The following SCFD2 variants were observed in gnomAD, a reference collection of about 807,000 sequenced individuals.
The protein encoded by SCFD2 is sec1 family domain-containing protein 2.
A neutral mutation model predicts 58.9 loss-of-function variants in SCFD2; 54 were observed. That is an observed-to-expected ratio of 0.92 (90% CI 0.74 to 1.15). SCFD2 has a LOEUF of 1.15. Ranked by LOEUF, SCFD2 falls within the 50% of genes most tolerant of loss-of-function variation. The probability of loss-of-function intolerance (pLI) is 0.00; values close to 1 mark genes in which losing one functional copy is unlikely to be tolerated. For synonymous variants in SCFD2, 321 were observed against 335.9 expected (o/e 0.96, Z 0.49); for missense variants, 805 against 836.6 (o/e 0.96, Z 0.47).
chr4:53,111,709 G>C (rs557886211), intron 5 of SCFD2, among the ~76,000 whole-genome samples: 1 of 152,106 alleles, frequency 6.6e-6, no homozygotes, highest in South Asian at 2.1e-4. Flanking sequence ...TTTCATATTT[G>C]AATATATAGA....
intron 4 of SCFD2, among the ~76,000 whole-genome samples, chr4:53,176,119 G>T (rs1268541771): frequency 6.6e-6 from 1 of 152,106 alleles, no homozygotes; most frequent in Admixed American, 6.5e-5. Flanking sequence ...GATAATAATG[G>T]AATGTACCAT....
intron 5 of SCFD2, among the ~76,000 whole-genome samples, chr4:53,036,395 T>C (rs1310518851): frequency 6.6e-6 from 1 of 150,842 alleles, no homozygotes; most frequent in African/African-American, 2.4e-5. Flanking sequence ...AATGTACATG[T>C]ATATTTATTG....
At chr4:53,123,631 C>A (rs757217741) in intron 5 of SCFD2, among the ~76,000 whole-genome samples, 1 of 152,100 alleles carries the variant, frequency 6.6e-6, no homozygotes, top group South Asian at 2.1e-4. Flanking sequence ...AAACCCAAAA[C>A]CTCAACTGAT....
chr4:52,939,971 C>G (rs997166363), intron 5 of SCFD2, among the ~76,000 whole-genome samples: 3 of 152,218 alleles, frequency 2.0e-5, no homozygotes, highest in African/African-American at 7.2e-5. Context: ...TAACAGCAGT[C>G]CCCAGCCCAG....
chr4:53,320,636 A>T (rs1732996830), intron 2 of SCFD2, among the ~76,000 whole-genome samples: 1 of 152,204 alleles, frequency 6.6e-6, no homozygotes, highest in African/African-American at 2.4e-5. Flanking sequence ...AATAAAAAAT[A>T]AAAATAAGGT....
intron 4 of SCFD2, among the ~76,000 whole-genome samples, chr4:53,251,227 T>C (rs1389810208): frequency 1.3e-5 from 2 of 152,138 alleles, no homozygotes. Flanking sequence ...GATCTGAAAT[T>C]GTGGCAATAA....
intron 6 of SCFD2, among the ~76,000 whole-genome samples, chr4:52,914,830 G>C (rs1329560986): frequency 6.6e-6 from 1 of 151,818 alleles, no homozygotes; most frequent in Non-Finnish European, 1.5e-5. Context: ...GCCCATGAAG[G>C]TCATATCGTG....
chr4:52,890,922 T>A (rs1482044048), intron 7 of SCFD2, among the ~76,000 whole-genome samples: 2 of 152,166 alleles, frequency 1.3e-5, no homozygotes, highest in African/African-American at 4.8e-5. Context: ...TGATTCCTCC[T>A]CCACATGGTG....
intron 5 of SCFD2, among the ~76,000 whole-genome samples, chr4:52,924,044 T>C (rs1719806024): frequency 6.6e-6 from 1 of 152,204 alleles, no homozygotes; most frequent in African/African-American, 2.4e-5. Flanking sequence ...AGTTCTAATA[T>C]CATGCAAAGT....
At chr4:53,311,258 C>T (rs1372951472) in intron 3 of SCFD2, among the ~76,000 whole-genome samples, 7 of 152,148 alleles carry the variant, frequency 4.6e-5, no homozygotes, top group African/African-American at 1.7e-4. Context: ...GTCCTTCTTA[C>T]AACAGAAGTT....
At chr4:53,169,716 G>A (rs976939653) in intron 4 of SCFD2, among the ~76,000 whole-genome samples, 1 of 152,010 alleles carries the variant, frequency 6.6e-6, no homozygotes, top group African/African-American at 2.4e-5. Flanking sequence ...TTTTTTTGTT[G>A]TTTTAATAAT....
Position 52,920,762 on chromosome 4 carries a change from A to G in SCFD2, c.1670T>C (p.Phe557Ser). The change falls in exon 6 of 9, where the codon TTT becomes TCT. Residue 557 changes from phenylalanine (F) to serine (S), a missense_variant. This residue lies in a region of SCFD2 where 633 missense variants were observed against 646.8 expected (regional missense o/e 0.98). Transcript: ENST00000401642. ...IAGARSLLKQ[F>S]KSVYVPGNHT... Reference sequence around the variant, plus strand: ...ATTTCCAGGAACATATACAGACTTAAACTGTTTCAGGAGACTCCGAGCTCC... The same window carrying G: ...ATTTCCAGGAACATATACAGACTTAGACTGTTTCAGGAGACTCCGAGCTCC... 6.2e-7 allele frequency: 1 copy of G among 1,610,778 alleles called. No homozygotes were observed. The highest frequency in any genetic ancestry group is 1.1e-5 in the South Asian group (1 of 90,818).
At chr4:53,190,844 T>C (rs1174232128) in intron 4 of SCFD2, among the ~76,000 whole-genome samples, 3 of 147,032 alleles carry the variant, frequency 2.0e-5, no homozygotes, top group Admixed American at 1.3e-4. Context: ...CAGAAGGTTA[T>C]GTCTGTGAAC....
In SCFD2 at chr4:53,065,440, A is replaced by C. The variant is rs369605912; in HGVS notation, c.1561+79893T>G. ...ATAAGTCAGATGTCAGATTAGGAGA[A>C]AGCAAGGAAAATCTCTGAAATCCTG... On this transcript the variant is annotated intron_variant, in intron 5 of 8. Coordinates refer to ENST00000401642, the MANE Select transcript of SCFD2 (RefSeq NM_152540.4). Among the ~76,000 whole-genome samples the C allele has an allele frequency of 1.7e-4, 26 of 152,206 alleles. No homozygotes were observed. The South Asian group carries it at 5.4e-3, about 32-fold the overall frequency.
At chr4:53,332,095 G>C (rs1733496323) in intron 2 of SCFD2, among the ~76,000 whole-genome samples, 1 of 151,980 alleles carries the variant, frequency 6.6e-6, no homozygotes, top group Admixed American at 6.6e-5. Context: ...TGAAATTGTG[G>C]CAATAATCAA....
intron 3 of SCFD2, among the ~76,000 whole-genome samples, chr4:53,309,031 G>C (rs1732603848): frequency 6.6e-6 from 1 of 152,018 alleles, no homozygotes; most frequent in Non-Finnish European, 1.5e-5. Flanking sequence ...TACTCGGAAG[G>C]CTGAGGCAGG....
chr4:52,990,284 G>C (rs1445879365), intron 5 of SCFD2, among the ~76,000 whole-genome samples: 2 of 152,130 alleles, frequency 1.3e-5, no homozygotes, highest in African/African-American at 4.8e-5. Context: ...AAATATATAA[G>C]GCTCTGAATG....
At chr4:53,013,847 T>C (rs1217290038) in intron 5 of SCFD2, among the ~76,000 whole-genome samples, 1 of 152,066 alleles carries the variant, frequency 6.6e-6, no homozygotes, top group Non-Finnish European at 1.5e-5. Context: ...GGAAAGGTAT[T>C]ATTGCTTGGA....
chr4:53,245,388 A>G (rs1730035903), intron 4 of SCFD2, among the ~76,000 whole-genome samples: 2 of 152,210 alleles, frequency 1.3e-5, no homozygotes, highest in Non-Finnish European at 2.9e-5. Context: ...ATCCAGAATT[A>G]CATTAAAAAG....
Sources: gnomAD v4.1 joint callset for allele counts (sites outside exome capture counted in the v4.1 genomes callset) on GRCh38, gnomAD v4.1.1 for gene constraint, gnomAD v4.1.1 regional missense constraint, MANE v1.5 for transcripts, NCBI Gene and HGNC (gene_info 2026-07-23, HGNC 2026-07-21) for gene names.